LINGO2: variants seen among roughly 807,000 people sequenced by gnomAD.
LINGO2 encodes leucine rich repeat and Ig domain containing 2, also known as leucine-rich repeat and immunoglobulin-like domain-containing nogo receptor-interacting protein 2.
In LINGO2, 14 loss-of-function variants were observed where a neutral mutation model predicts 30.6. The ratio of observed to expected loss-of-function variants is 0.46; its 90% CI spans 0.30 to 0.72. LINGO2 has a LOEUF of 0.72. Among genes scored for constraint, LINGO2 ranks in the 30% least tolerant of loss-of-function variants. The probability of loss-of-function intolerance (pLI) is 0.07; values close to 1 mark genes in which losing one functional copy is unlikely to be tolerated. For synonymous variants in LINGO2, 317 were observed against 288.5 expected, an observed-to-expected ratio of 1.10 and a Z score of -1.00; for missense variants, 729 against 751.7, an observed-to-expected ratio of 0.97 and a Z score of 0.35.
chr9:28,893,756 T>A, the LINGO2 span, among the ~76,000 whole-genome samples: 26 of 152,010 alleles, frequency 1.7e-4, no homozygotes, highest in East Asian at 5.8e-4. Context: ...TGATTTTTTT[T>A]AATTATTATT....
At chr9:28,258,032 T>C (rs1822439805) in intron 4 of LINGO2, among the ~76,000 whole-genome samples, 1 of 151,948 alleles carries the variant, frequency 6.6e-6, no homozygotes. Context: ...ATGACAAATT[T>C]TATTCTTTGT....
rs1191786319 is a variant in LINGO2, at chr9:28,475,933, C to T, written c.-279+7G>A. The T allele has an allele frequency of 6.6e-6, 1 of 152,544 alleles. No homozygotes were observed. Among genetic ancestry groups the T allele is most frequent in the Non-Finnish European group, 1.5e-5 (1 of 68,040 alleles). 9.4% of individuals were successfully genotyped at this position (152,544 alleles called of 1,614,324 possible). ...ATCCTGAAACCTAGAAAAAGAGACT[C>T]ACTTACCAGTTTGAATTGTTGGGCT... On this transcript the variant is annotated splice_region_variant and intron_variant, in intron 2 of 5. Transcript: ENST00000379992.
At chr9:28,507,011 T>A (rs1820167198) in intron 1 of LINGO2, among the ~76,000 whole-genome samples, 1 of 152,098 alleles carries the variant, frequency 6.6e-6, no homozygotes, top group Non-Finnish European at 1.5e-5. Flanking sequence ...CAATTTGGAA[T>A]TAAACAAAAA....
chr9:28,029,758 A>G (rs1251346532), intron 4 of LINGO2, among the ~76,000 whole-genome samples: 2 of 152,178 alleles, frequency 1.3e-5, no homozygotes, highest in Non-Finnish European at 2.9e-5. Context: ...TGCTGATATT[A>G]TATAAAATAA....
At chr9:28,663,758 C>T (rs1005626532) in intron 1 of LINGO2, among the ~76,000 whole-genome samples, 1 of 152,072 alleles carries the variant, frequency 6.6e-6, no homozygotes, top group East Asian at 1.9e-4. Context: ...TTGTAGCTCC[C>T]TTCACTTCCC....
At chr9:27,966,518 A>T (rs1294776530) in intron 5 of LINGO2, among the ~76,000 whole-genome samples, 2 of 152,146 alleles carry the variant, frequency 1.3e-5, no homozygotes, top group Non-Finnish European at 2.9e-5. Flanking sequence ...GGAATTGAAC[A>T]GTGGGAACAC....
At chr9:28,294,233 T>G (rs10812774) in intron 4 of LINGO2, among the ~76,000 whole-genome samples, 2 of 151,894 alleles carry the variant, frequency 1.3e-5, no homozygotes, top group Admixed American at 1.3e-4. Flanking sequence ...AGGCTATAAT[T>G]TACTGACTGA....
the LINGO2 span, among the ~76,000 whole-genome samples, chr9:29,129,645 A>G: frequency 2.6e-5 from 4 of 152,098 alleles, no homozygotes; most frequent in African/African-American, 9.7e-5. Context: ...GATTGGTGAG[A>G]AAGAAAATGA....
At chr9:27,946,529 T>G (rs10968218), downstream of LINGO2, among the ~76,000 whole-genome samples, 47,890 of 152,006 alleles carry the variant, frequency 0.32, 7,846 homozygotes, top group Middle Eastern at 0.47. Flanking sequence ...GCCCTCTTAT[T>G]AATTGCTCAA....
chr9:28,664,431 A>G (rs534789976), intron 1 of LINGO2, among the ~76,000 whole-genome samples: 10 of 152,154 alleles, frequency 6.6e-5, no homozygotes, highest in Non-Finnish European at 1.3e-4. Flanking sequence ...TTAAGCCCAC[A>G]TAGTAGATTT....
At chr9:28,617,587 G>A (rs1001283887) in intron 1 of LINGO2, among the ~76,000 whole-genome samples, 4 of 151,942 alleles carry the variant, frequency 2.6e-5, no homozygotes, top group Middle Eastern at 3.2e-3. Context: ...GAGCCACCGC[G>A]CCCAGACAAT....
At chr9:28,097,437 A>G (rs572699057) in intron 4 of LINGO2, among the ~76,000 whole-genome samples, 244 of 146,366 alleles carry the variant, frequency 1.7e-3, no homozygotes, top group African/African-American at 5.4e-3. Context: ...AACCAACCCA[A>G]ATGTCCAACA....
At chr9:29,043,838 G>A in the LINGO2 span, among the ~76,000 whole-genome samples, 42 of 151,976 alleles carry the variant, frequency 2.8e-4, no homozygotes, top group African/African-American at 1.0e-3. Context: ...AAGATTGACT[G>A]GAAAGAACCT....
the LINGO2 span, among the ~76,000 whole-genome samples, chr9:28,854,846 A>C: frequency 6.6e-6 from 1 of 152,010 alleles, no homozygotes; most frequent in Non-Finnish European, 1.5e-5. Flanking sequence ...TTTGGCACAA[A>C]CAATTAACAG....
At chr9:28,088,634 A>C (rs1825983514) in intron 4 of LINGO2, among the ~76,000 whole-genome samples, 1 of 151,972 alleles carries the variant, frequency 6.6e-6, no homozygotes, top group East Asian at 1.9e-4. Flanking sequence ...ATTAAGACCA[A>C]GCATGAAGAA....
At chr9:28,993,465 G>A in the LINGO2 span, among the ~76,000 whole-genome samples, 21 of 152,220 alleles carry the variant, frequency 1.4e-4, no homozygotes, top group Admixed American at 3.3e-4. Context: ...CATTCCTTCT[G>A]AAACTATTCC....
chr9:28,438,017 A>G (rs1475380735), intron 2 of LINGO2, among the ~76,000 whole-genome samples: 1 of 152,174 alleles, frequency 6.6e-6, no homozygotes, highest in Non-Finnish European at 1.5e-5. Context: ...GGAAGTTGTA[A>G]GTTTGAAACA....
the LINGO2 span, chr9:27,939,587 A>T: frequency 6.6e-6 from 1 of 152,246 alleles, no homozygotes; most frequent in African/African-American, 2.4e-5. Context: ...GTACTGATAC[A>T]GTGTGAGGCT....
chr9:28,164,866 TCTTA>T (rs1828383902), intron 4 of LINGO2, among the ~76,000 whole-genome samples: 2 of 152,304 alleles, frequency 1.3e-5, no homozygotes, highest in African/African-American at 4.8e-5. Flanking sequence ...GCTTCCTATG[TCTTA>T]CTTTGCACAC....
Sources: gnomAD v4.1 joint callset for allele counts (sites outside exome capture counted in the v4.1 genomes callset) on GRCh38, gnomAD v4.1.1 for gene constraint, MANE v1.5 for transcripts, NCBI Gene and HGNC (gene_info 2026-07-23, HGNC 2026-07-21) for gene names.